Variants in KLHL30 observed in about 807,000 individuals in gnomAD.
KLHL30 encodes kelch-like protein 30.
A neutral mutation model predicts 55.0 loss-of-function variants in KLHL30; 55 were observed. The ratio of observed to expected loss-of-function variants is 1.00; its 90% CI spans 0.80 to 1.25. The LOEUF (loss-of-function observed/expected upper bound fraction) is 1.25. KLHL30 is among the 50% of genes most tolerant of loss of function. The pLI is 0.00. For missense variants in KLHL30, 786 were observed against 811.6 expected (o/e 0.97, Z 0.38); for synonymous variants, 356 against 372.6 (o/e 0.96, Z 0.51).
At position 238,150,967 on chromosome 2, in the gene KLHL30, G is replaced by T; in HGVS notation, c.1639G>T (p.Gly547Cys). The change falls in exon 8 of 8, where the codon GGC becomes TGC. Residue 547 changes from glycine (G) to cysteine (C), a missense_variant. Transcript: ENST00000409223. ...DTVRDTWTRH[G>C]ALPRLWLYHG... The stretch of plus-strand genomic sequence containing the variant: ...GGTTCGGGACACCTGGACCCGCCAC[G>T]GCGCCCTGCCCCGGCTCTGGCTCTA... 1 of 1,589,490 alleles carries T rather than the reference G, an allele frequency of 6.3e-7. No homozygotes were observed. The highest frequency in any genetic ancestry group is 8.6e-7 in the Non-Finnish European group (1 of 1,169,584).
rs1692661987 is a variant in KLHL30, at chr2:238,147,108, C to A, written c.1151-726C>A. 6.7e-6 allele frequency among the ~76,000 whole-genome samples: 1 copy of A among 149,890 alleles called. No homozygotes were observed. Among genetic ancestry groups the A allele is most frequent in the African/African-American group, 2.5e-5 (1 of 40,588 alleles). On this transcript the variant is annotated intron_variant, in intron 5 of 7. Transcript: ENST00000409223. This position sits in a 1 kb window ranked among gnomAD's most constrained non-coding sequence, Gnocchi z 5.8. ...GCTGCAATGAGCTGTAATCGCACCA[C>A]TGCACTTCAGCCTGGGTGACCGAGC... is the stretch of plus-strand genomic sequence containing the variant.
Position 238,141,120 on chromosome 2 carries a change from C to T in KLHL30, c.366C>T (p.Cys122=), listed in dbSNP as rs556056703. 9.9e-6 allele frequency: 16 copies of T among 1,610,262 alleles called. No individual in the cohort carries two copies. The East Asian group carries it at 1.3e-4, about 13-fold the overall frequency. Residue 122 remains cysteine, a synonymous_variant, in exon 2 of 8, where the codon TGC becomes TGT. Coordinates refer to ENST00000409223, the MANE Select transcript of KLHL30 (RefSeq NM_198582.4). ...RLHFPSVQKV[C]GRYLQQQLDA... is the part of the protein sequence containing the mutation. ...ACTTCCCCTCGGTGCAGAAGGTCTG[C>T]GGCCGCTACCTGCAGCAGCAACTGG...
intron 3 of KLHL30, among the ~76,000 whole-genome samples, chr2:238,144,510 G>A (rs1318243082): frequency 6.6e-6 from 1 of 151,968 alleles, no homozygotes; most frequent in Non-Finnish European, 1.5e-5. Flanking sequence ...TCACCCACTA[G>A]TGACACCCAC....
intron 4 of KLHL30, among the ~76,000 whole-genome samples, 158 bp downstream of exon 4, chr2:238,145,146 T>C (rs1692624883): frequency 6.6e-6 from 1 of 152,224 alleles, no homozygotes. Flanking sequence ...CCGTGGTCAC[T>C]CGTGGGAGCT....
rs1415683239 is a variant in KLHL30 at position 238,151,062 on chromosome 2, C to T, written c.1734C>T (p.His578=). 3 of 1,589,466 alleles carry T rather than the reference C, an allele frequency of 1.9e-6. No homozygotes were observed. The South Asian group carries it at 3.4e-5, about 18-fold the overall frequency. The part of the protein sequence containing the change: ...WTQPSGPTQE[H] ...AGCCCTCCGGCCCCACCCAGGAGCACTAAACCAGGGCCAGGGTCCCCGGGG... is the reference window on the plus strand; with the variant it reads ...AGCCCTCCGGCCCCACCCAGGAGCATTAAACCAGGGCCAGGGTCCCCGGGG... Residue 578 remains histidine, a synonymous_variant, in exon 8 of 8, where the codon CAC becomes CAT. Transcript: ENST00000409223.
chr2:238,139,452 G>A (rs1396044161), intron 1 of KLHL30, among the ~76,000 whole-genome samples: 1 of 152,208 alleles, frequency 6.6e-6, no homozygotes, highest in Non-Finnish European at 1.5e-5. Context: ...CGGGATGCTG[G>A]GGTGTGGGGC....
In KLHL30 at chr2:238,151,870, A is replaced by C; in HGVS notation, c.*805A>C. 4.1e-6 allele frequency: 4 copies of C among 985,250 alleles called. No homozygotes were observed. The highest frequency in any genetic ancestry group is 4.8e-6 in the Non-Finnish European group (4 of 829,804). The allele number at this position is 985,250 out of a possible 1,614,324, so 61.0% of individuals were successfully genotyped here. ...AACAAAGGCTCTTCATTAGAATGGA[A>C]TTTCCCACCAGGGGACGACTCTTGG... is the stretch of plus-strand genomic sequence containing the variant. On this transcript the variant is annotated 3_prime_UTR_variant, in exon 8 of 8. Coordinates refer to ENST00000409223, the MANE Select transcript of KLHL30 (RefSeq NM_198582.4).
chr2:238,141,721 G>A (rs943599012), intron 2 of KLHL30, among the ~76,000 whole-genome samples, 193 bp downstream of exon 2: 9 of 152,266 alleles, frequency 5.9e-5, no homozygotes, highest in South Asian at 2.1e-4. Context: ...GCCTCTGTGT[G>A]TGTCACGCCC....
In KLHL30 at chr2:238,141,518, G is replaced by T; in HGVS notation, c.764G>T (p.Gly255Val). 2.8e-6 allele frequency: 4 copies of T among 1,447,268 alleles called. No individual in the cohort carries two copies. Among genetic ancestry groups the T allele is most frequent in the South Asian group, 2.9e-5 (2 of 69,364 alleles). The allele number at this position is 1,447,268 out of a possible 1,614,324, so 89.7% of individuals were successfully genotyped here. A position where few individuals can be genotyped will look rare whatever the true frequency, so the allele number is the denominator to read the frequency against. The part of the protein sequence containing the change: ...SEACRAALSQ[G>V]HDGAPLALQQ... ...GCATGCCGGGCAGCCCTGTCCCAGG[G>T]CCATGATGGGGTGAGTGAGCGGCTG... Residue 255 changes from glycine to valine, a missense_variant, in exon 2 of 8, where the codon GGC becomes GTC. Gly to Val is a moderately radical substitution (Grantham distance 109). Transcript: ENST00000409223.
rs1204447505 is a variant in KLHL30, at chr2:238,151,874, C to G, written c.*809C>G. ...AAGGCTCTTCATTAGAATGGAATTT[C>G]CCACCAGGGGACGACTCTTGGGTGC... On this transcript the variant is annotated 3_prime_UTR_variant, in exon 8 of 8. Transcript: ENST00000409223. The G allele has an allele frequency of 2.0e-6, 2 of 985,278 alleles. No homozygotes were observed. Among genetic ancestry groups the G allele is most frequent in the Non-Finnish European group, 2.4e-6 (2 of 829,764 alleles). 61.0% of individuals were successfully genotyped at this position (985,278 alleles called of 1,614,324 possible). A position where few individuals can be genotyped will look rare whatever the true frequency, so the allele number is the denominator to read the frequency against.
At chr2:238,144,626 C>A (rs1008391739) in intron 3 of KLHL30, among the ~76,000 whole-genome samples, 1 of 151,470 alleles carries the variant, frequency 6.6e-6, no homozygotes, top group Non-Finnish European at 1.5e-5. Context: ...AAGGTGAGAC[C>A]CCGGCCTCCA....
At position 238,149,064 on chromosome 2, in the gene KLHL30, G is replaced by C. The variant is rs756102023; in HGVS notation, c.1397G>C (p.Cys466Ser). ...CCCAAGTACCTGTCCTCGCCTCGCT[G>C]TGCTGCACTGCACGGGGAGCTCTAC... is the stretch of plus-strand genomic sequence containing the variant. ...FLPKYLSSPR[C>S]AALHGELYLI... is the part of the protein sequence containing the mutation. The change falls in exon 7 of 8, where the codon TGT becomes TCT. Residue 466 changes from cysteine (C) to serine (S), a missense_variant. By Grantham distance (112) the Cys-to-Ser change is moderately radical. Coordinates refer to ENST00000409223, the MANE Select transcript of KLHL30 (RefSeq NM_198582.4). 2.5e-6 allele frequency: 4 copies of C among 1,613,206 alleles called. No homozygotes were observed. In the African/African-American group the frequency reaches 5.3e-5, roughly 22 times the overall value.
At chr2:238,142,958 C>T (rs767805350) in intron 3 of KLHL30, 27 bp downstream of exon 3, 9 of 1,500,796 alleles carry the variant, frequency 6.0e-6, no homozygotes, top group Non-Finnish European at 7.9e-6. Context: ...CGTCCAGACC[C>T]ACCTGCTGTC....
rs748188558 is a variant in KLHL30, at chr2:238,142,860, TGGA to T, written c.848_850del (p.Glu283del). The stretch of plus-strand genomic sequence containing the variant: ...CTGGTGGTGGTGGGCGGGCAGGCGC[TGGA>T]GGAGGAGGAGGCAGGTGAGGAGCCC... On this transcript the variant is annotated inframe_deletion, in exon 3 of 8. Transcript: ENST00000409223. 89 of 1,470,082 alleles carry T rather than the reference TGGA, an allele frequency of 6.1e-5. No homozygotes were observed. The highest frequency in any genetic ancestry group is 3.0e-4 in the South Asian group (20 of 67,466). The allele number at this position is 1,470,082 out of a possible 1,614,324, so 91.1% of individuals were successfully genotyped here.
intron 1 of KLHL30, 65 bp from the exon 2 acceptor site, chr2:238,140,620 C>T (rs746790188): frequency 1.8e-5 from 15 of 835,344 alleles, no homozygotes; most frequent in African/African-American, 1.4e-4. Flanking sequence ...ATGGACAGAC[C>T]GGGTGGGTTG....
chr2:238,146,116 G>T (rs534267958), intron 5 of KLHL30, among the ~76,000 whole-genome samples: 3 of 152,206 alleles, frequency 2.0e-5, no homozygotes, highest in African/African-American at 7.2e-5. Context: ...CCCCAGGAGG[G>T]GTTCCTGCAG....
At chr2:238,143,589 G>A (rs890195830) in intron 3 of KLHL30, among the ~76,000 whole-genome samples, 1 of 152,268 alleles carries the variant, frequency 6.6e-6, no homozygotes, top group Non-Finnish European at 1.5e-5. Flanking sequence ...CTGGCCCCAA[G>A]AGGTGCTCTG....
rs1417929168 is a variant in KLHL30 at position 238,147,903 on chromosome 2, C to T, written c.1220C>T (p.Pro407Leu). Residue 407 changes from proline to leucine, a missense_variant, in exon 6 of 8, where the codon CCG becomes CTG. Coordinates refer to ENST00000409223, the MANE Select transcript of KLHL30 (RefSeq NM_198582.4). This position sits in a 1 kb window ranked among gnomAD's most constrained non-coding sequence, Gnocchi z 5.8. The part of the protein sequence containing the change: ...PYTDSWTPVS[P>L]ALKYVSNFSA... Reference sequence around the variant, plus strand: ...ACGGACAGCTGGACGCCCGTCAGCCCGGCCCTCAAATACGTCAGCAACTTC... The same window carrying T: ...ACGGACAGCTGGACGCCCGTCAGCCTGGCCCTCAAATACGTCAGCAACTTC... 21 of 1,603,118 alleles carry T rather than the reference C, an allele frequency of 1.3e-5. No individual in the cohort carries two copies. Among genetic ancestry groups the T allele is most frequent in the East Asian group, 6.8e-5 (3 of 44,108 alleles).
intron 7 of KLHL30, among the ~76,000 whole-genome samples, chr2:238,150,413 G>C (rs1026899523): frequency 1.3e-5 from 2 of 152,146 alleles, no homozygotes; most frequent in African/African-American, 4.8e-5. Context: ...GCAGGGGTGA[G>C]GCAAGGGAAC....
Sources: allele counts gnomAD v4.1 joint callset (sites outside exome capture counted in the v4.1 genomes callset), GRCh38; gene constraint gnomAD v4.1.1; non-coding constraint Gnocchi (gnomAD v3.1); transcripts MANE v1.5; gene names NCBI Gene and HGNC (gene_info 2026-07-23, HGNC 2026-07-21).